The following GRID2 variants were observed in gnomAD, a reference collection of about 807,000 sequenced individuals.
The protein encoded by GRID2 is glutamate ionotropic receptor delta type subunit 2.
Under a neutral mutation model 114.8 loss-of-function variants are expected in GRID2, and 33 were observed. The observed-to-expected ratio is 0.29, with a 90% CI of 0.22 to 0.38. The LOEUF is 0.38. Ranked by LOEUF, GRID2 falls within the 10% of genes least tolerant of loss-of-function variation. The probability of loss-of-function intolerance (pLI) is 1.00; values close to 1 mark genes in which losing one functional copy is unlikely to be tolerated. For synonymous variants in GRID2, 505 were observed against 449.9 expected, an observed-to-expected ratio of 1.12 and a Z score of -1.55; for missense variants, 1,184 against 1,257.7, an observed-to-expected ratio of 0.94 and a Z score of 0.89.
intron 8 of GRID2, among the ~76,000 whole-genome samples, chr4:93,349,851 A>C (rs1579772929): frequency 6.6e-6 from 1 of 152,236 alleles, no homozygotes; most frequent in Non-Finnish European, 1.5e-5. Flanking sequence ...AACTCAGATA[A>C]GTAGACAAAT....
intron 1 of GRID2, among the ~76,000 whole-genome samples, chr4:92,484,406 A>G (rs1264908183): frequency 6.6e-6 from 1 of 152,170 alleles, no homozygotes; most frequent in Non-Finnish European, 1.5e-5. Context: ...ATACTTTATT[A>G]TATACTGTAT....
chr4:93,717,385 G>A (rs183915880), intron 14 of GRID2, among the ~76,000 whole-genome samples: 94 of 150,170 alleles, frequency 6.3e-4, no homozygotes, highest in African/African-American at 2.0e-3. Context: ...TCTCCCTGAT[G>A]CCTGTATTGA....
chr4:92,683,652 T>C (rs1733758758), intron 2 of GRID2, among the ~76,000 whole-genome samples: 1 of 151,810 alleles, frequency 6.6e-6, no homozygotes, highest in African/African-American at 2.4e-5. Flanking sequence ...TTAGTTTTTG[T>C]ATATTTAAAT....
intron 8 of GRID2, among the ~76,000 whole-genome samples, chr4:93,342,058 A>G (rs779983326): frequency 6.6e-6 from 1 of 152,066 alleles, no homozygotes; most frequent in Non-Finnish European, 1.5e-5. Context: ...CTACCCCTCT[A>G]TAATCCATCT....
intron 2 of GRID2, among the ~76,000 whole-genome samples, chr4:92,667,421 C>T (rs62309229): frequency 0.061 from 9,259 of 151,480 alleles, 342 homozygotes; most frequent in East Asian, 0.16. Context: ...AAAATTTAGA[C>T]GGTTTAATCC....
At chr4:93,798,234 T>A (rs1734847997) in intron 1 of GRID2, among the ~76,000 whole-genome samples, 1 of 151,948 alleles carries the variant, frequency 6.6e-6, no homozygotes, top group Non-Finnish European at 1.5e-5. Flanking sequence ...AAAGGGAAAC[T>A]TGTAAATGTC....
intron 14 of GRID2, among the ~76,000 whole-genome samples, chr4:93,654,314 G>T (rs116397341): frequency 6.6e-6 from 1 of 152,134 alleles, no homozygotes; most frequent in African/African-American, 2.4e-5. Context: ...AAAACACTTT[G>T]CAGAGTGCAT....
chr4:93,415,062 C>A (rs930333824), intron 9 of GRID2, among the ~76,000 whole-genome samples: 6 of 152,042 alleles, frequency 3.9e-5, no homozygotes, highest in African/African-American at 1.4e-4. Context: ...CATTTATTAA[C>A]ATTACTACTT....
intron 1 of GRID2, among the ~76,000 whole-genome samples, chr4:93,781,988 G>T (rs1279620476): frequency 1.3e-5 from 2 of 152,106 alleles, no homozygotes; most frequent in Non-Finnish European, 2.9e-5. Flanking sequence ...TTGATTGTTA[G>T]ATTACTCTTC....
chr4:93,781,908 A>T (rs1734488864), intron 1 of GRID2, among the ~76,000 whole-genome samples: 1 of 152,184 alleles, frequency 6.6e-6, no homozygotes, highest in Admixed American at 6.5e-5. Context: ...CCCTCTGGAT[A>T]ATACATTACT....
intron 2 of GRID2, among the ~76,000 whole-genome samples, chr4:92,819,031 T>C (rs1741095416): frequency 1.3e-5 from 2 of 152,136 alleles, no homozygotes; most frequent in South Asian, 4.1e-4. Flanking sequence ...AGGTTAGTAA[T>C]GGGCACTGAA....
At chr4:93,323,147 CT>C (rs1757425627) in intron 8 of GRID2, among the ~76,000 whole-genome samples, 1 of 152,096 alleles carries the variant, frequency 6.6e-6, no homozygotes, top group African/African-American at 2.4e-5. Context: ...ATGGTATTGC[CT>C]AGGTTTTCTT....
intron 2 of GRID2, among the ~76,000 whole-genome samples, chr4:92,895,405 A>ATATATATATATATATATATATATATAAAT (rs1560677408): frequency 6.8e-6 from 1 of 146,064 alleles, no homozygotes; most frequent in African/African-American, 2.6e-5. Flanking sequence ...ATATATATAT[A>ATATATATATATATATATATATATATAAAT]AACTGAAAGA....
chr4:92,801,442 A>G (rs1299218971), intron 2 of GRID2, among the ~76,000 whole-genome samples: 1 of 151,846 alleles, frequency 6.6e-6, no homozygotes, highest in Non-Finnish European at 1.5e-5. Flanking sequence ...TTAAAATTCC[A>G]CCCCCATTAA....
chr4:92,307,498 A>G (rs1487795743), intron 1 of GRID2, among the ~76,000 whole-genome samples: 1 of 152,166 alleles, frequency 6.6e-6, no homozygotes, highest in Non-Finnish European at 1.5e-5. Context: ...CAACTTATAT[A>G]TACATGAAAA....
chr4:92,611,346 T>C (rs1181921442), intron 2 of GRID2, among the ~76,000 whole-genome samples: 1 of 151,704 alleles, frequency 6.6e-6, no homozygotes, highest in East Asian at 1.9e-4. Flanking sequence ...TATGTACTCA[T>C]ATGATCTCTT....
chr4:93,600,071 A>G (rs1188782180), intron 13 of GRID2, among the ~76,000 whole-genome samples: 2 of 152,218 alleles, frequency 1.3e-5, no homozygotes, highest in Non-Finnish European at 2.9e-5. Context: ...CAGCGTAGAC[A>G]AAGTTTGGAG....
intron 2 of GRID2, among the ~76,000 whole-genome samples, chr4:92,665,558 A>G (rs1366170517): frequency 6.6e-6 from 1 of 151,266 alleles, no homozygotes; most frequent in Non-Finnish European, 1.5e-5. Context: ...ACCATCTAGC[A>G]TCCTTCATTT....
intron 2 of GRID2, among the ~76,000 whole-genome samples, chr4:92,740,833 G>A (rs531647610): frequency 2.6e-4 from 40 of 152,104 alleles, no homozygotes; most frequent in Non-Finnish European, 5.4e-4. Flanking sequence ...TGCAACCTCC[G>A]CCTCCTGGGT....
Sources: gnomAD v4.1 joint callset for allele counts (sites outside exome capture counted in the v4.1 genomes callset) on GRCh38, gnomAD v4.1.1 for gene constraint, MANE v1.5 for transcripts, NCBI Gene and HGNC (gene_info 2026-07-23, HGNC 2026-07-21) for gene names.